The following RNF20 variants were observed in gnomAD, a reference collection of about 807,000 sequenced individuals.
RNF20 encodes the protein ring finger protein 20.
RNF20 carries 84 observed loss-of-function variants against 126.2 expected under a neutral mutation model. That is an observed-to-expected ratio of 0.67 (90% CI 0.56 to 0.80). The LOEUF (loss-of-function observed/expected upper bound fraction) is 0.80, where lower values mean the gene tolerates loss of function less well. Ranked by LOEUF, RNF20 falls within the 30% of genes least tolerant of loss-of-function variation. The pLI, the probability that RNF20 is intolerant of heterozygous loss-of-function variation, is 0.00. For missense variants in RNF20, 869 were observed against 1,188.2 expected (o/e 0.73, Z 3.95); for synonymous variants, 400 against 414.3 (o/e 0.97, Z 0.42).
At chr9:101,539,224 A>G (rs35168482) in intron 2 of RNF20, among the ~76,000 whole-genome samples, 72,721 of 151,990 alleles carry the variant, frequency 0.48, 17,592 homozygotes, top group East Asian at 0.66. Flanking sequence ...AAATATTTCT[A>G]GACAAATTAT....
Position 101,560,835 on chromosome 9 carries a change from A to C in RNF20, c.2417A>C (p.Glu806Ala). 1 of 1,613,456 alleles carries C rather than the reference A, an allele frequency of 6.2e-7. No individual in the cohort carries two copies. Among genetic ancestry groups the C allele is most frequent in the Non-Finnish European group, 8.5e-7 (1 of 1,179,562 alleles). Residue 806 changes from glutamate to alanine, a missense_variant, in exon 17 of 20, where the codon GAA becomes GCA. Around this residue, in one of 8 missense-constraint regions of RNF20, gnomAD observed 150 missense variants for 173.7 expected, o/e 0.86. Coordinates refer to ENST00000389120, the MANE Select transcript of RNF20 (RefSeq NM_019592.7). ...CAGCTACAGGTAGTAAGGAAACTGG[A>C]AGAGAAGGAGCATCTGTTACAGAGC... Reference protein sequence around the residue: ...DAQLQVVRKLEEKEHLLQSNI... With the variant: ...DAQLQVVRKLAEKEHLLQSNI...
Position 101,560,931 on chromosome 9 carries a change from G to C in RNF20, c.2508+5G>C. ...TTAGAGATGAATAAACGCAAGGTAT[G>C]ATTGATTAATCTAATGATGGTTAGT... On this transcript the variant is annotated splice_donor_5th_base_variant and intron_variant, in intron 17 of 19. Coordinates refer to ENST00000389120, the MANE Select transcript of RNF20 (RefSeq NM_019592.7). 1 of 1,608,838 alleles carries C rather than the reference G, an allele frequency of 6.2e-7. No individual in the cohort carries two copies. The highest frequency in any genetic ancestry group is 1.7e-4 in the Middle Eastern group (1 of 6,014).
Position 101,538,283 on chromosome 9 carries a change from A to T in RNF20, c.130-1920A>T, listed in dbSNP as rs139109262. ...AGTGACTTGATGATTCAAGTATAGGAAAGGTTATCTGTATGGGTATTGAAA... is the reference window on the plus strand; with the variant it reads ...AGTGACTTGATGATTCAAGTATAGGTAAGGTTATCTGTATGGGTATTGAAA... On this transcript the variant is annotated intron_variant, in intron 2 of 19. Coordinates refer to ENST00000389120, the MANE Select transcript of RNF20 (RefSeq NM_019592.7). Among the ~76,000 whole-genome samples, 21 of 152,274 alleles carry T rather than the reference A, an allele frequency of 1.4e-4. 1 individual carries two copies. The East Asian group carries it at 3.9e-3, about 28-fold the overall frequency.
chr9:101,556,672 A>G (rs114459985), intron 15 of RNF20, among the ~76,000 whole-genome samples: 320 of 152,298 alleles, frequency 2.1e-3, no homozygotes, highest in African/African-American at 7.3e-3. Context: ...AAAAATTGAT[A>G]ATTTTGAGTT....
chr9:101,558,670 T>G (rs1827576405), intron 16 of RNF20, among the ~76,000 whole-genome samples: 1 of 152,198 alleles, frequency 6.6e-6, no homozygotes, highest in Admixed American at 6.5e-5. Flanking sequence ...TGTTGAACAT[T>G]TTTCTTATGT....
At chr9:101,549,417 A>G (rs1827405937) in intron 9 of RNF20, among the ~76,000 whole-genome samples, 1 of 152,192 alleles carries the variant, frequency 6.6e-6, no homozygotes, top group African/African-American at 2.4e-5. Context: ...TGCTACTGCT[A>G]TCTAGAAGGC....
At chr9:101,552,885 C>G in intron 13 of RNF20, 132 bp downstream of exon 13, 1 of 993,696 alleles carries the variant, frequency 1.0e-6, no homozygotes, top group Non-Finnish European at 1.4e-6. Context: ...AATTTGGTTT[C>G]AAGTCGTGTT....
At position 101,540,216 on chromosome 9, in the gene RNF20, T is replaced by G; in HGVS notation, c.143T>G (p.Ile48Ser). 1.9e-6 allele frequency: 3 copies of G among 1,614,132 alleles called. No homozygotes were observed. In the East Asian group the frequency reaches 6.7e-5, roughly 36 times the overall value. Residue 48 changes from isoleucine to serine, a missense_variant, in exon 3 of 20, where the codon ATT (isoleucine) becomes AGT (serine). This residue lies in a region of RNF20 where 157 missense variants were observed against 236.0 expected (regional missense o/e 0.67). Transcript: ENST00000389120. Reference sequence around the variant, plus strand: ...TTTACTGGGCAGGAGGAACTAGACATTAGAACACTGCAAACCAAAAATCGC... The same window carrying G: ...TTTACTGGGCAGGAGGAACTAGACAGTAGAACACTGCAAACCAAAAATCGC... ...GGVSSTEELD[I>S]RTLQTKNRKL...
Position 101,535,418 on chromosome 9 carries a change from G to A in RNF20, c.-6G>A. On this transcript the variant is annotated 5_prime_UTR_variant, in exon 2 of 20. Coordinates refer to ENST00000389120, the MANE Select transcript of RNF20 (RefSeq NM_019592.7). ...ATCAGGAAAACGACTGTCTTCTTCT[G>A]CCAAAATGTCAGGAATTGGAAATAA... The A allele has an allele frequency of 6.2e-7, 1 of 1,611,490 alleles. No individual in the cohort carries two copies. The highest frequency in any genetic ancestry group is 8.5e-7 in the Non-Finnish European group (1 of 1,179,222).
intron 10 of RNF20, 61 bp from the exon 11 acceptor site, chr9:101,551,623 T>TAATAGAAA: frequency 1.2e-6 from 1 of 805,216 alleles, no homozygotes; most frequent in Non-Finnish European, 1.7e-6. Flanking sequence ...ATCCATAGAA[T>TAATAGAAA]ATGATGATAT....
At position 101,552,144 on chromosome 9, in the gene RNF20, C is replaced by CT; in HGVS notation, c.1413dup (p.Ile472TyrfsTer11). 6.2e-7 allele frequency: 1 copy of CT among 1,614,068 alleles called. No homozygotes were observed. The highest frequency in any genetic ancestry group is 8.5e-7 in the Non-Finnish European group (1 of 1,179,998). ...CATTGTTGTTCCTGTATTTAAGGCC[C>CT]TATAAACAGGGAGATGCGCCACCTC... On this transcript the variant is annotated frameshift_variant, in exon 12 of 20. Transcript: ENST00000389120. LOFTEE classifies it high-confidence loss of function.
intron 15 of RNF20, among the ~76,000 whole-genome samples, chr9:101,556,585 T>C (rs1259112206): frequency 3.3e-5 from 5 of 152,044 alleles, no homozygotes; most frequent in Admixed American, 3.3e-4. Context: ...ATCAAAAAGC[T>C]AGAAGAAAAC....
intron 2 of RNF20, among the ~76,000 whole-genome samples, chr9:101,536,863 T>C (rs1827193292): frequency 6.6e-6 from 1 of 152,216 alleles, no homozygotes; most frequent in African/African-American, 2.4e-5. Context: ...TTGGAGACTA[T>C]AGAAAAGCAA....
intron 15 of RNF20, among the ~76,000 whole-genome samples, chr9:101,555,428 T>A (rs758895790): frequency 6.6e-6 from 1 of 152,056 alleles, no homozygotes; most frequent in African/African-American, 2.4e-5. Context: ...CTCCTTATAA[T>A]GAATATGTAT....
intron 6 of RNF20, among the ~76,000 whole-genome samples, chr9:101,546,440 A>AT (rs1350518151): frequency 6.6e-6 from 1 of 152,144 alleles, no homozygotes; most frequent in Non-Finnish European, 1.5e-5. Context: ...GGGGGTAAAA[A>AT]TGGTTTTTTT....
At chr9:101,548,565 C>T (rs1228689482) in intron 9 of RNF20, among the ~76,000 whole-genome samples, 1 of 152,144 alleles carries the variant, frequency 6.6e-6, no homozygotes, top group Non-Finnish European at 1.5e-5. Context: ...CAAAATGCCA[C>T]ATTGTATACC....
At chr9:101,553,864 AG>A in intron 13 of RNF20, 123 bp from the exon 14 acceptor site, 1 of 560,600 alleles carries the variant, frequency 1.8e-6, no homozygotes, top group Non-Finnish European at 3.2e-6. Context: ...TTTATCTTTT[AG>A]GTGTGATATG....
chr9:101,554,650 G>A (rs754491187), intron 14 of RNF20, 44 bp from the exon 15 acceptor site: 34 of 1,562,348 alleles, frequency 2.2e-5, no homozygotes, highest in Non-Finnish European at 2.9e-5. Context: ...TTTTGAAAAT[G>A]TGTTATAACT....
intron 9 of RNF20, 66 bp downstream of exon 9, chr9:101,547,584 A>T (rs573680351): frequency 1.0e-5 from 16 of 1,574,636 alleles, no homozygotes; most frequent in Non-Finnish European, 1.4e-5. Flanking sequence ...GTATATACAT[A>T]GTTGTGAATC....
Sources: allele counts gnomAD v4.1 joint callset (sites outside exome capture counted in the v4.1 genomes callset), GRCh38; gene constraint gnomAD v4.1.1; regional missense constraint gnomAD v4.1.1; transcripts MANE v1.5; gene names NCBI Gene and HGNC (gene_info 2026-07-23, HGNC 2026-07-21).